The following EDAR variants were observed in gnomAD, a reference collection of about 807,000 sequenced individuals.
EDAR encodes the protein tumor necrosis factor receptor superfamily member EDAR.
In EDAR, 38 loss-of-function variants were observed where a neutral mutation model predicts 51.3. The ratio of observed to expected loss-of-function variants is 0.74; its 90% confidence interval spans 0.57 to 0.97. EDAR has a LOEUF of 0.97. EDAR is among the 50% of genes least tolerant of loss of function. EDAR has a pLI of 0.00. For synonymous variants in EDAR, 227 were observed against 242.1 expected (o/e 0.94, Z 0.58); for missense variants, 528 against 595.0 (o/e 0.89, Z 1.17).
At chr2:108,964,920 A>G (rs748497742) in intron 1 of EDAR, among the ~76,000 whole-genome samples, 1 of 152,218 alleles carries the variant, frequency 6.6e-6, no homozygotes, top group Non-Finnish European at 1.5e-5. Context: ...GGAACAGTTC[A>G]TTCATTCTAA....
chr2:108,931,121 G>A (rs1697359052), intron 1 of EDAR, 89 bp from the exon 2 acceptor site: 4 of 1,042,778 alleles, frequency 3.8e-6, no homozygotes, highest in Middle Eastern at 2.0e-4. Context: ...TGGATATAAG[G>A]TGCCTTCCAG....
chr2:108,983,070 C>A (rs948694169), intron 1 of EDAR, among the ~76,000 whole-genome samples: 9 of 152,210 alleles, frequency 5.9e-5, no homozygotes, highest in Admixed American at 4.6e-4. Context: ...TCTACCGATG[C>A]ACAATTAGTT....
intron 1 of EDAR, among the ~76,000 whole-genome samples, chr2:108,977,640 T>C (rs569114820): frequency 2.5e-4 from 38 of 152,184 alleles, no homozygotes; most frequent in African/African-American, 9.1e-4. Context: ...ACTGGGGACA[T>C]CTGGACGTCC....
chr2:108,900,201 C>T (rs1696672112), intron 11 of EDAR, among the ~76,000 whole-genome samples: 1 of 151,984 alleles, frequency 6.6e-6, no homozygotes, highest in African/African-American at 2.4e-5. Flanking sequence ...AAACAGTAAA[C>T]AAAATATAAA....
intron 11 of EDAR, among the ~76,000 whole-genome samples, chr2:108,897,889 G>C (rs1202724808): frequency 6.6e-6 from 1 of 152,170 alleles, no homozygotes; most frequent in Non-Finnish European, 1.5e-5. Context: ...CTGAAAAGTG[G>C]AGAAAAGAAG....
At chr2:108,983,500 G>A (rs1459797553) in intron 1 of EDAR, among the ~76,000 whole-genome samples, 2 of 152,060 alleles carry the variant, frequency 1.3e-5, no homozygotes, top group East Asian at 3.9e-4. Context: ...AGCATTCCCC[G>A]TGGCCTTCCA....
chr2:108,929,298 T>G lies in EDAR; in HGVS notation c.256A>C (p.Ile86Leu). The G allele has an allele frequency of 1.2e-6, 2 of 1,614,176 alleles. No individual in the cohort carries two copies. The highest frequency in any genetic ancestry group is 1.7e-6 in the Non-Finnish European group (2 of 1,180,044). ...TCACAGTCTTTGTGACGCCTGCATA[T>G]CTGGTAGCCTCCTTTGGAAAACTTC... The part of the protein sequence containing the change: ...AEKFSKGGYQ[I>L]CRRHKDCEGF... Residue 86 changes from isoleucine (I) to leucine (L), a missense_variant, in exon 4 of 12, where the codon ATA becomes CTA. Ile to Leu is a conservative substitution (Grantham distance 5). Coordinates refer to ENST00000258443, the MANE Select transcript of EDAR (RefSeq NM_022336.4).
chr2:108,948,909 G>C (rs1428630306), intron 1 of EDAR, among the ~76,000 whole-genome samples: 12 of 152,104 alleles, frequency 7.9e-5, no homozygotes, highest in Admixed American at 2.0e-4. Context: ...CTTGAGGCCA[G>C]GAGTTCAAGA....
intron 5 of EDAR, among the ~76,000 whole-genome samples, chr2:108,913,068 C>T (rs1696959027): frequency 6.6e-6 from 1 of 151,708 alleles, no homozygotes; most frequent in Non-Finnish European, 1.5e-5. Context: ...CCTGTCTCAG[C>T]CTCCCAAGTA....
chr2:108,934,405 G>A (rs1042485612), intron 1 of EDAR, among the ~76,000 whole-genome samples: 1 of 152,146 alleles, frequency 6.6e-6, no homozygotes, highest in African/African-American at 2.4e-5. Flanking sequence ...AGTGCCTGGC[G>A]ATGCTGCTGG....
At chr2:108,987,392 G>A (rs920304205) in intron 1 of EDAR, among the ~76,000 whole-genome samples, 3 of 152,176 alleles carry the variant, frequency 2.0e-5, no homozygotes, top group Non-Finnish European at 4.4e-5. Context: ...TCTGCACTCC[G>A]GAGCAATGTT....
Position 108,894,662 on chromosome 2 carries a change from AG to A in EDAR, c.*2244del, listed in dbSNP as rs1352596544. 6 of 152,726 alleles carry A rather than the reference AG, an allele frequency of 3.9e-5. No individual in the cohort carries two copies. The East Asian group carries it at 1.2e-3, about 29-fold the overall frequency. The allele number at this position is 152,726 out of a possible 1,614,324, so 9.5% of individuals were successfully genotyped here. ...CACAAAAATGGCAGGATGGAGTCCCAGCTTTGGTCAGTGAGAATTATTATGA... is the reference window on the plus strand; with the variant it reads ...CACAAAAATGGCAGGATGGAGTCCCACTTTGGTCAGTGAGAATTATTATGA... On this transcript the variant is annotated 3_prime_UTR_variant, in exon 12 of 12. Coordinates refer to ENST00000258443, the MANE Select transcript of EDAR (RefSeq NM_022336.4).
At chr2:108,901,453 G>A (rs1696696523) in intron 11 of EDAR, among the ~76,000 whole-genome samples, 1 of 151,716 alleles carries the variant, frequency 6.6e-6, no homozygotes, top group Admixed American at 6.6e-5. Flanking sequence ...GTACATAGAA[G>A]GAAATAAGTA....
chr2:108,906,585 T>A (rs922079851), intron 10 of EDAR, among the ~76,000 whole-genome samples: 2 of 152,210 alleles, frequency 1.3e-5, no homozygotes, highest in East Asian at 3.9e-4. Flanking sequence ...CGGGTGCGTC[T>A]TAGGCTCAGC....
intron 4 of EDAR, among the ~76,000 whole-genome samples, chr2:108,926,501 C>G (rs752191114): frequency 1.3e-5 from 2 of 152,216 alleles, no homozygotes; most frequent in African/African-American, 2.4e-5. Context: ...TCATTTTCCT[C>G]CAACCGTGTT....
At chr2:108,919,886 G>A (rs1031360120) in intron 5 of EDAR, among the ~76,000 whole-genome samples, 13 of 152,202 alleles carry the variant, frequency 8.5e-5, no homozygotes, top group South Asian at 8.3e-4. Context: ...GGATCTCTCC[G>A]CCTGGAGCTT....
Position 108,896,659 on chromosome 2 carries a change from G to A in EDAR, c.*248C>T. On this transcript the variant is annotated 3_prime_UTR_variant, in exon 12 of 12. Transcript: ENST00000258443. Reference sequence around the variant, plus strand: ...GTGGGCTGGTGGGCTGGCTGTATGAGTGAGTAGATATTTACTCTGCCTGGT... The same window carrying A: ...GTGGGCTGGTGGGCTGGCTGTATGAATGAGTAGATATTTACTCTGCCTGGT... 1.9e-6 allele frequency: 1 copy of A among 531,954 alleles called. No homozygotes were observed. The highest frequency in any genetic ancestry group is 3.4e-6 in the Non-Finnish European group (1 of 296,658). The allele number at this position is 531,954 out of a possible 1,614,324, so 33.0% of individuals were successfully genotyped here.
chr2:108,955,275 T>C, intron 1 of EDAR, among the ~76,000 whole-genome samples: 1 of 152,194 alleles, frequency 6.6e-6, no homozygotes, highest in East Asian at 1.9e-4. Flanking sequence ...AATGAGATGA[T>C]GTGTATAAAG....
At chr2:108,986,519 T>C (rs2104493453) in intron 1 of EDAR, among the ~76,000 whole-genome samples, 1 of 152,172 alleles carries the variant, frequency 6.6e-6, no homozygotes, top group Middle Eastern at 3.4e-3. Flanking sequence ...CAATTATGAG[T>C]GACAGGCTCC....
Sources: gnomAD v4.1 joint callset for allele counts (sites outside exome capture counted in the v4.1 genomes callset) on GRCh38, gnomAD v4.1.1 for gene constraint, MANE v1.5 for transcripts, NCBI Gene and HGNC (gene_info 2026-07-23, HGNC 2026-07-21) for gene names.